SLC35F4: variants seen among roughly 807,000 people sequenced by gnomAD.
The protein encoded by SLC35F4 is chromosome 14 open reading frame 36.
A neutral mutation model predicts 44.2 loss-of-function variants in SLC35F4; 24 were observed. That is an observed-to-expected ratio of 0.54 (90% confidence interval 0.39 to 0.76). The LOEUF (loss-of-function observed/expected upper bound fraction) is 0.76. SLC35F4 is among the 30% of genes least tolerant of loss of function. The pLI is 0.00. For synonymous variants in SLC35F4, 238 were observed against 223.6 expected, an observed-to-expected ratio of 1.06 and a Z score of -0.57; for missense variants, 562 against 586.1, an observed-to-expected ratio of 0.96 and a Z score of 0.42.
chr14:57,892,246 G>A (rs890387870), intron 1 of SLC35F4, among the ~76,000 whole-genome samples: 1 of 152,156 alleles, frequency 6.6e-6, no homozygotes, highest in Non-Finnish European at 1.5e-5. Flanking sequence ...ATGCCATATT[G>A]CAGGGAGGAT....
intron 1 of SLC35F4, among the ~76,000 whole-genome samples, chr14:57,902,902 A>G (rs1443940753): frequency 6.6e-6 from 1 of 152,130 alleles, no homozygotes; most frequent in African/African-American, 2.4e-5. Context: ...ATGGGACCCC[A>G]TCAGAGAGGC....
intron 1 of SLC35F4, among the ~76,000 whole-genome samples, chr14:57,826,486 T>C (rs994057089): frequency 6.6e-6 from 1 of 152,016 alleles, no homozygotes; most frequent in Non-Finnish European, 1.5e-5. Context: ...CCAAAAGCAA[T>C]TGCAACAAAA....
At chr14:57,566,766 A>G (rs1282764675) in intron 6 of SLC35F4, among the ~76,000 whole-genome samples, 1 of 152,162 alleles carries the variant, frequency 6.6e-6, no homozygotes, top group East Asian at 1.9e-4. Flanking sequence ...CACTCTCTTT[A>G]CCTGAATCTT....
intron 1 of SLC35F4, among the ~76,000 whole-genome samples, chr14:57,824,892 TA>T (rs751204336): frequency 6.6e-6 from 1 of 152,180 alleles, no homozygotes; most frequent in Non-Finnish European, 1.5e-5. Flanking sequence ...AACTGGGGTT[TA>T]AAGATGATAT....
In SLC35F4 at chr14:57,566,467, G is replaced by A. The variant is rs2139663140; in HGVS notation, c.1216+8C>T. The stretch of plus-strand genomic sequence containing the variant: ...CCAGGATCTGCACATGTCACATGGT[G>A]CCTGTACCTGCATTTCCAGGAACGC... On this transcript the variant is annotated splice_region_variant and intron_variant, in intron 7 of 7. Transcript: ENST00000556826. 1 of 1,581,976 alleles carries A rather than the reference G, an allele frequency of 6.3e-7. No homozygotes were observed. The highest frequency in any genetic ancestry group is 2.3e-5 in the East Asian group (1 of 43,458).
At chr14:57,950,542 T>C (rs72714727) in intron 1 of SLC35F4, among the ~76,000 whole-genome samples, 42 of 152,316 alleles carry the variant, frequency 2.8e-4, no homozygotes, top group Admixed American at 5.2e-4. Flanking sequence ...AGATTTCTTC[T>C]TGGCTTGGAG....
At chr14:57,890,582 T>G (rs1888740329) in intron 1 of SLC35F4, among the ~76,000 whole-genome samples, 1 of 152,186 alleles carries the variant, frequency 6.6e-6, no homozygotes. Flanking sequence ...ATCAATATTC[T>G]TTTTTCCAAT....
intron 1 of SLC35F4, among the ~76,000 whole-genome samples, chr14:57,827,223 C>T (rs1883878860): frequency 6.6e-6 from 1 of 152,122 alleles, no homozygotes; most frequent in African/African-American, 2.4e-5. Context: ...ATGGATGGAG[C>T]TGGAAGCCAT....
intron 1 of SLC35F4, among the ~76,000 whole-genome samples, chr14:57,623,137 G>T (rs1310569842): frequency 6.6e-6 from 1 of 151,838 alleles, no homozygotes; most frequent in Non-Finnish European, 1.5e-5. Context: ...CAAATGGAAA[G>T]CAAAAAAGCA....
At chr14:57,890,036 G>A (rs888317745) in intron 1 of SLC35F4, among the ~76,000 whole-genome samples, 1 of 152,154 alleles carries the variant, frequency 6.6e-6, no homozygotes, top group Non-Finnish European at 1.5e-5. Flanking sequence ...CACTGTGGAT[G>A]CGGTATCCTT....
At chr14:57,821,261 C>G (rs899806483) in intron 1 of SLC35F4, among the ~76,000 whole-genome samples, 1 of 151,988 alleles carries the variant, frequency 6.6e-6, no homozygotes, top group African/African-American at 2.4e-5. Flanking sequence ...GTCACACAGA[C>G]AACTTCTTCC....
chr14:57,901,435 C>A (rs1888999224), intron 1 of SLC35F4, among the ~76,000 whole-genome samples: 1 of 152,178 alleles, frequency 6.6e-6, no homozygotes, highest in Admixed American at 6.5e-5. Flanking sequence ...AAACCAAACA[C>A]CACATGTTCT....
At position 57,571,970 on chromosome 14, in the gene SLC35F4, G is replaced by T. The variant is rs762025181; in HGVS notation, c.857C>A (p.Ala286Glu). 3 of 1,612,104 alleles carry T rather than the reference G, an allele frequency of 1.9e-6. No individual in the cohort carries two copies. The East Asian group carries it at 6.7e-5, about 36-fold the overall frequency. ...AITGIVMMAYADNFHADSIIG... is the reference protein window; with the variant it reads ...AITGIVMMAYEDNFHADSIIG... ...GATGGAATCAGCGTGGAAATTATCTGCATATGCCATCATGACAATGCCGGT... is the reference window on the plus strand; with the variant it reads ...GATGGAATCAGCGTGGAAATTATCTTCATATGCCATCATGACAATGCCGGT... The change falls in exon 5 of 8, where the codon GCA (alanine) becomes GAA (glutamate). Residue 286 changes from alanine (A) to glutamate (E), a missense_variant. By Grantham distance (107) the Ala-to-Glu change is moderately radical. Coordinates refer to ENST00000556826, the MANE Select transcript of SLC35F4 (RefSeq NM_001306087.2).
intron 1 of SLC35F4, among the ~76,000 whole-genome samples, chr14:57,940,196 T>G (rs1052438013): frequency 1.3e-5 from 2 of 152,192 alleles, no homozygotes; most frequent in East Asian, 1.9e-4. Flanking sequence ...AGTATTGTCA[T>G]CCATTGAATT....
At chr14:57,838,156 T>A (rs1885123917) in intron 1 of SLC35F4, among the ~76,000 whole-genome samples, 1 of 152,070 alleles carries the variant, frequency 6.6e-6, no homozygotes, top group Admixed American at 6.6e-5. Context: ...TACAAAGCAA[T>A]GTTTCATAAT....
At chr14:57,605,348 G>GA (rs1329027966) in intron 1 of SLC35F4, among the ~76,000 whole-genome samples, 4 of 152,030 alleles carry the variant, frequency 2.6e-5, no homozygotes, top group African/African-American at 4.8e-5. Context: ...AGAAATACAT[G>GA]AAAAAAATCC....
intron 1 of SLC35F4, among the ~76,000 whole-genome samples, chr14:57,732,762 T>C (rs2076374789): frequency 6.6e-6 from 1 of 152,114 alleles, no homozygotes; most frequent in Non-Finnish European, 1.5e-5. Flanking sequence ...GGAAGATCTA[T>C]CCACAAAAAG....
chr14:57,950,675 CTTTT>C (rs59027196), intron 1 of SLC35F4, among the ~76,000 whole-genome samples: 3 of 127,208 alleles, frequency 2.4e-5, no homozygotes, highest in Non-Finnish European at 4.8e-5. Context: ...TTCTTTCTTT[CTTTT>C]TTTTTTTTGA....
chr14:57,693,445 A>G (rs1174967867), intron 1 of SLC35F4, among the ~76,000 whole-genome samples: 1 of 152,210 alleles, frequency 6.6e-6, no homozygotes, highest in Non-Finnish European at 1.5e-5. Context: ...CACCCAGGGC[A>G]GAAAACTGCT....
Sources: gnomAD v4.1 joint callset for allele counts (sites outside exome capture counted in the v4.1 genomes callset) on GRCh38, gnomAD v4.1.1 for gene constraint, MANE v1.5 for transcripts, NCBI Gene and HGNC (gene_info 2026-07-23, HGNC 2026-07-21) for gene names.